The following SEMA6D variants were observed in gnomAD, a reference collection of about 807,000 sequenced individuals.
The protein encoded by SEMA6D is semaphorin-6D.
Under a neutral mutation model 106.6 loss-of-function variants are expected in SEMA6D, and 35 were observed. The ratio of observed to expected loss-of-function variants is 0.33; its 90% CI spans 0.25 to 0.44. The LOEUF (loss-of-function observed/expected upper bound fraction) is 0.44. Ranked by LOEUF, SEMA6D falls within the 20% of genes least tolerant of loss-of-function variation. The probability of loss-of-function intolerance (pLI) is 1.00; values close to 1 mark genes in which losing one functional copy is unlikely to be tolerated. For synonymous variants in SEMA6D, 499 were observed against 487.7 expected (o/e 1.02, Z -0.31); for missense variants, 1,185 against 1,345.9 (o/e 0.88, Z 1.87).
exon 1 of SEMA6D, chr15:47,184,327 T>G (rs1040644407): frequency 6.6e-6 from 1 of 152,338 alleles, no homozygotes; most frequent in African/African-American, 2.4e-5. Flanking sequence ...GAGTCCCTGC[T>G]CTGCGCTGCG....
intron 2 of SEMA6D, among the ~76,000 whole-genome samples, chr15:47,456,052 A>G (rs1302583785): frequency 2.6e-5 from 4 of 151,994 alleles, no homozygotes; most frequent in Admixed American, 6.6e-5. Flanking sequence ...GATGCCAAGC[A>G]CAGTGGTAAC....
chr15:47,185,464 C>A (rs1566912130), intron 1 of SEMA6D, among the ~76,000 whole-genome samples: 1 of 152,148 alleles, frequency 6.6e-6, no homozygotes, highest in Non-Finnish European at 1.5e-5. Context: ...ACCTGTTTCC[C>A]TTAAAGATTC....
At chr15:47,426,905 T>C (rs1434997913) in intron 2 of SEMA6D, among the ~76,000 whole-genome samples, 1 of 152,140 alleles carries the variant, frequency 6.6e-6, no homozygotes, top group Non-Finnish European at 1.5e-5. Context: ...GAAGAGAATA[T>C]TTTCTGTTAA....
chr15:47,437,582 A>G (rs2041759742), intron 2 of SEMA6D, among the ~76,000 whole-genome samples: 1 of 152,116 alleles, frequency 6.6e-6, no homozygotes, highest in Admixed American at 6.6e-5. Context: ...ATTAAGCAGT[A>G]TCTGGTTAGT....
chr15:47,429,955 T>C (rs183743850), intron 2 of SEMA6D, among the ~76,000 whole-genome samples: 208 of 152,164 alleles, frequency 1.4e-3, no homozygotes, highest in Middle Eastern at 3.4e-3. Flanking sequence ...ACCAAGCATC[T>C]TATATGTTGG....
intron 2 of SEMA6D, among the ~76,000 whole-genome samples, chr15:47,421,689 C>G (rs914240840): frequency 2.0e-5 from 3 of 151,836 alleles, no homozygotes; most frequent in Admixed American, 1.3e-4. Context: ...TTAGGAGACT[C>G]TCTTTTAGAT....
rs139638344 is a variant in SEMA6D at position 47,699,686 on chromosome 15, GAAAAGAAAAC to G, written c.-54-60049_-54-60040del. 6.4e-3 allele frequency among the ~76,000 whole-genome samples: 975 copies of G among 152,268 alleles called. 12 individuals carry two copies. Among genetic ancestry groups the G allele is most frequent in the African/African-American group, 0.022 (922 of 41,544 alleles). ...CAAAGGAAGGGGAATATTTGTGGGA[GAAAAGAAAAC>G]AAAAGAAAAGCAAGCAAATTCAAGA... On this transcript the variant is annotated intron_variant, in intron 4 of 19. Transcript: ENST00000558014.
At position 47,324,985 on chromosome 15, in the gene SEMA6D, A is replaced by G. The variant is rs553354691; in HGVS notation, c.-238-87408A>G. On this transcript the variant is annotated intron_variant, in intron 1 of 19. Coordinates refer to the SEMA6D transcript ENST00000558014. ...TATTTAAAACCATGTATATATTGGT[A>G]TTTGATTTTGGCTCTTATATTTGCT... Among the ~76,000 whole-genome samples the G allele has an allele frequency of 4.6e-5, 7 of 152,150 alleles. No individual in the cohort carries two copies. In the East Asian group the frequency reaches 1.4e-3, roughly 29 times the overall value.
intron 2 of SEMA6D, among the ~76,000 whole-genome samples, chr15:47,450,539 A>G (rs978542710): frequency 2.5e-4 from 38 of 152,022 alleles, no homozygotes; most frequent in Admixed American, 1.5e-3. Flanking sequence ...GCTTCTTCAA[A>G]CTGTTTACAG....
intron 1 of SEMA6D, among the ~76,000 whole-genome samples, chr15:47,231,641 C>G (rs1264703673): frequency 1.3e-5 from 2 of 151,914 alleles, no homozygotes; most frequent in African/African-American, 4.8e-5. Flanking sequence ...ACTTTTGTTT[C>G]TTGCATAGGA....
intron 4 of SEMA6D, among the ~76,000 whole-genome samples, chr15:47,683,490 A>T (rs1270345430): frequency 1.3e-5 from 2 of 152,160 alleles, no homozygotes; most frequent in Non-Finnish European, 2.9e-5. Context: ...GTTTATGAAA[A>T]ATCTCAACAT....
intron 2 of SEMA6D, among the ~76,000 whole-genome samples, chr15:47,463,560 G>T (rs1292805741): frequency 6.6e-6 from 1 of 152,168 alleles, no homozygotes; most frequent in Non-Finnish European, 1.5e-5. Context: ...GTCATGGTAG[G>T]CCTAAGAGTT....
intron 1 of SEMA6D, among the ~76,000 whole-genome samples, chr15:47,731,528 C>T (rs1160464515): frequency 6.6e-6 from 1 of 152,138 alleles, no homozygotes; most frequent in African/African-American, 2.4e-5. Context: ...TGAGCATGGT[C>T]TTTGTACAGG....
At position 47,195,312 on chromosome 15, in the gene SEMA6D, A is replaced by G. The variant is rs143003070; in HGVS notation, c.-239+10894A>G. Among the ~76,000 whole-genome samples the G allele has an allele frequency of 9.2e-5, 14 of 152,232 alleles. No individual in the cohort carries two copies. The East Asian group carries it at 2.7e-3, about 29-fold the overall frequency. ...AGCACATTGCTTTCTCACCTGTCTT[A>G]CTTGGGCTGCATCATCCGTTCCCTG... is the stretch of plus-strand genomic sequence containing the variant. On this transcript the variant is annotated intron_variant, in intron 1 of 19. Transcript: ENST00000558014.
At chr15:47,196,824 A>G (rs715694) in intron 1 of SEMA6D, among the ~76,000 whole-genome samples, 61,963 of 152,058 alleles carry the variant, frequency 0.41, 13,612 homozygotes, top group African/African-American at 0.56. Flanking sequence ...TACAGCATCC[A>G]TTTATTCTCA....
intron 3 of SEMA6D, among the ~76,000 whole-genome samples, chr15:47,592,921 A>G (rs1349670682): frequency 2.0e-5 from 3 of 152,178 alleles, no homozygotes; most frequent in Non-Finnish European, 4.4e-5. Flanking sequence ...AATGAACATA[A>G]CCTTCGAGAA....
intron 1 of SEMA6D, among the ~76,000 whole-genome samples, chr15:47,250,683 G>GT (rs1339548970): frequency 6.6e-6 from 1 of 152,202 alleles, no homozygotes; most frequent in African/African-American, 2.4e-5. Context: ...GGAGTAAACA[G>GT]TTTCTGCTGT....
chr15:47,579,732 G>A (rs2076223244), intron 3 of SEMA6D, among the ~76,000 whole-genome samples: 1 of 152,006 alleles, frequency 6.6e-6, no homozygotes, highest in South Asian at 2.1e-4. Context: ...TAATTATCCT[G>A]TACTCCAATC....
chr15:47,481,953 G>A (rs1000803434), intron 3 of SEMA6D, among the ~76,000 whole-genome samples: 1 of 152,156 alleles, frequency 6.6e-6, no homozygotes, highest in Non-Finnish European at 1.5e-5. Flanking sequence ...GATGAGAGAA[G>A]TATTTGACCA....
Sources: allele counts gnomAD v4.1 joint callset (sites outside exome capture counted in the v4.1 genomes callset), GRCh38; gene constraint gnomAD v4.1.1; transcripts MANE v1.5; gene names NCBI Gene and HGNC (gene_info 2026-07-23, HGNC 2026-07-21).